The following UNC5C variants were observed in gnomAD, a reference collection of about 807,000 sequenced individuals.
UNC5C encodes netrin receptor UNC5C.
Under a neutral mutation model 99.8 loss-of-function variants are expected in UNC5C, and 47 were observed. The observed-to-expected ratio is 0.47, with a 90% CI of 0.37 to 0.60. The LOEUF (loss-of-function observed/expected upper bound fraction) is 0.60. Among genes scored for constraint, UNC5C ranks in the 20% least tolerant of loss-of-function variants. The pLI is 0.00. For missense variants in UNC5C, 1,062 were observed against 1,165.9 expected (o/e 0.91, Z 1.30); for synonymous variants, 487 against 452.2 (o/e 1.08, Z -0.98).
intron 1 of UNC5C, among the ~76,000 whole-genome samples, chr4:95,427,954 A>G (rs1028662123): frequency 3.3e-5 from 5 of 152,172 alleles, no homozygotes; most frequent in African/African-American, 1.2e-4. Flanking sequence ...ATTTTTCTAT[A>G]TAATAGGCCT....
chr4:95,244,198 T>G (rs1319403039), intron 6 of UNC5C, among the ~76,000 whole-genome samples: 3 of 152,216 alleles, frequency 2.0e-5, no homozygotes, highest in Admixed American at 6.5e-5. Context: ...CTCCAATGAG[T>G]GCAGTAAATT....
At position 95,220,139 on chromosome 4, in the gene UNC5C, C is replaced by T; in HGVS notation, c.1146G>A (p.Gly382=). The T allele has an allele frequency of 6.2e-7, 1 of 1,613,978 alleles. No individual in the cohort carries two copies. The highest frequency in any genetic ancestry group is 1.6e-4 in the Middle Eastern group (1 of 6,062). The change falls in exon 8 of 16, where the codon GGG becomes GGA. Residue 382 remains glycine (G), a synonymous_variant. Transcript: ENST00000453304. The part of the protein sequence containing the change: ...PDSDDVALYV[G]IVIAVIVCLA... ...GGCAAACGATCACTGCTATCACAAT[C>T]CCAACATAGAGAGCAACATCATCTG...
intron 1 of UNC5C, among the ~76,000 whole-genome samples, chr4:95,512,581 A>C (rs900816244): frequency 6.6e-6 from 1 of 152,176 alleles, no homozygotes; most frequent in Non-Finnish European, 1.5e-5. Flanking sequence ...AGAGTTTCAT[A>C]TGAATAACTA....
chr4:95,247,827 A>T (rs1739557414), intron 5 of UNC5C: 1 of 152,276 alleles, frequency 6.6e-6, no homozygotes, highest in Non-Finnish European at 1.5e-5. Flanking sequence ...ATATAATACA[A>T]CTATATATAG....
chr4:95,218,784 G>T (rs557839960), intron 9 of UNC5C, among the ~76,000 whole-genome samples, 185 bp downstream of exon 9: 48 of 152,262 alleles, frequency 3.2e-4, no homozygotes, highest in African/African-American at 1.1e-3. Context: ...TTAGTTGGAG[G>T]AAGAGAAATG....
chr4:95,380,899 C>A (rs1439545631), intron 1 of UNC5C, among the ~76,000 whole-genome samples: 2 of 152,150 alleles, frequency 1.3e-5, no homozygotes, highest in Admixed American at 6.5e-5. Flanking sequence ...GACCATGTGA[C>A]AACTGCAGTG....
chr4:95,538,054 A>G (rs1167498677), intron 1 of UNC5C, among the ~76,000 whole-genome samples: 2 of 152,202 alleles, frequency 1.3e-5, no homozygotes, highest in South Asian at 2.1e-4. Flanking sequence ...CATCACTACT[A>G]TTTATTATCT....
chr4:95,294,260 A>G (rs1442227555), intron 3 of UNC5C, among the ~76,000 whole-genome samples: 2 of 152,212 alleles, frequency 1.3e-5, no homozygotes, highest in African/African-American at 2.4e-5. Flanking sequence ...GCTGGATACT[A>G]TAGACTCACG....
chr4:95,420,547 TAG>T (rs1746287308), intron 1 of UNC5C, among the ~76,000 whole-genome samples: 1 of 152,208 alleles, frequency 6.6e-6, no homozygotes, highest in South Asian at 2.1e-4. Flanking sequence ...AAATATTTTT[TAG>T]AGTTCTAAAT....
intron 12 of UNC5C, among the ~76,000 whole-genome samples, chr4:95,202,284 A>C (rs1737706479): frequency 6.6e-6 from 1 of 152,236 alleles, no homozygotes; most frequent in Admixed American, 6.5e-5. Flanking sequence ...TCTGCAAAGC[A>C]GCAGCCTGTT....
intron 1 of UNC5C, among the ~76,000 whole-genome samples, chr4:95,339,701 T>C (rs920498058): frequency 3.9e-5 from 6 of 152,078 alleles, no homozygotes; most frequent in Admixed American, 3.3e-4. Flanking sequence ...TCCCAAATTA[T>C]TACCTTTTCT....
chr4:95,207,346 T>C (rs1737918745), intron 10 of UNC5C, among the ~76,000 whole-genome samples: 1 of 152,280 alleles, frequency 6.6e-6, no homozygotes, highest in South Asian at 2.1e-4. Flanking sequence ...CTAGAAATAA[T>C]ATAGAACTGT....
At chr4:95,547,156 TAGAC>T (rs1431588258) in intron 1 of UNC5C, among the ~76,000 whole-genome samples, 3 of 150,368 alleles carry the variant, frequency 2.0e-5, no homozygotes, top group South Asian at 2.1e-4. Flanking sequence ...CCTTTTTAAA[TAGAC>T]AGACAGATGA....
chr4:95,315,640 A>G (rs1297058148), intron 2 of UNC5C, among the ~76,000 whole-genome samples: 1 of 152,212 alleles, frequency 6.6e-6, no homozygotes, highest in Admixed American at 6.5e-5. Flanking sequence ...TAGAAGAAGA[A>G]CAGGAAAGGT....
At position 95,164,864 on chromosome 4, in the gene UNC5C, C is replaced by T. The variant is rs1486593193; in HGVS notation, c.*4370G>A. 6.6e-6 allele frequency: 1 copy of T among 152,270 alleles called. No homozygotes were observed. Among genetic ancestry groups the T allele is most frequent in the Non-Finnish European group, 1.5e-5 (1 of 68,064 alleles). The allele number at this position is 152,270 out of a possible 1,614,324, so 9.4% of individuals were successfully genotyped here. The stretch of plus-strand genomic sequence containing the variant: ...TCAACTTGAAGGCTTGAAAACCCAA[C>T]AAGTAAACCTTTTCTACCTTCTTTA... On this transcript the variant is annotated 3_prime_UTR_variant, in exon 16 of 16. Transcript: ENST00000453304.
chr4:95,481,591 T>A (rs905968714), intron 1 of UNC5C, among the ~76,000 whole-genome samples: 7 of 151,944 alleles, frequency 4.6e-5, no homozygotes, highest in South Asian at 2.1e-4. Flanking sequence ...GAGGCATCAC[T>A]CTACCTGACT....
intron 1 of UNC5C, among the ~76,000 whole-genome samples, chr4:95,456,613 A>G (rs1435651883): frequency 6.6e-6 from 1 of 152,182 alleles, no homozygotes; most frequent in East Asian, 1.9e-4. Context: ...CTGAAGCCAG[A>G]CATATTAAGG....
intron 7 of UNC5C, among the ~76,000 whole-genome samples, chr4:95,227,382 G>C (rs1738739814): frequency 1.3e-5 from 2 of 151,924 alleles, no homozygotes; most frequent in African/African-American, 4.8e-5. Context: ...TGAACTCCTG[G>C]GCTCAAGCAA....
intron 1 of UNC5C, among the ~76,000 whole-genome samples, chr4:95,375,304 G>A (rs893300396): frequency 6.6e-6 from 1 of 151,976 alleles, no homozygotes; most frequent in Non-Finnish European, 1.5e-5. Context: ...AAAATAAGAA[G>A]AAACCAATAT....
Sources: allele counts gnomAD v4.1 joint callset (sites outside exome capture counted in the v4.1 genomes callset), GRCh38; gene constraint gnomAD v4.1.1; transcripts MANE v1.5; gene names NCBI Gene and HGNC (gene_info 2026-07-23, HGNC 2026-07-21).